Variants in PCDH11X observed in about 807,000 individuals in gnomAD.
The protein encoded by PCDH11X is protocadherin 11 X-linked, also known as protocadherin-11 X-linked.
Under a neutral mutation model 53.3 loss-of-function variants are expected in PCDH11X, and 18 were observed. The ratio of observed to expected loss-of-function variants is 0.34; its 90% confidence interval spans 0.23 to 0.50. The LOEUF (loss-of-function observed/expected upper bound fraction) is 0.50, where lower values mean the gene tolerates loss of function less well. Among genes scored for constraint, PCDH11X ranks in the 20% least tolerant of loss-of-function variants. PCDH11X has a pLI of 0.98. For missense variants in PCDH11X, 570 were observed against 1,032.4 expected (o/e 0.55, Z 6.14); for synonymous variants, 279 against 393.3 (o/e 0.71, Z 3.44).
intron 6 of PCDH11X, among the ~76,000 whole-genome samples, chrX:92,004,931 G>A (rs1455045864): frequency 6.4e-5 from 7 of 108,969 alleles, no homozygotes; most frequent in Non-Finnish European, 9.5e-5. Flanking sequence ...ACCCGCCACC[G>A]CGCCCGGCTA....
chrX:92,148,476 G>A (rs937600872), intron 6 of PCDH11X, among the ~76,000 whole-genome samples: 5 of 106,591 alleles, frequency 4.7e-5, no homozygotes, highest in African/African-American at 6.8e-5. Context: ...GATCCACTGC[G>A]TCGGTCTCCC....
chrX:92,161,838 C>T lies in PCDH11X; in HGVS notation c.3034-39537C>T, dbSNP rs1055531427. Among the ~76,000 whole-genome samples, 22 of 72,903 alleles carry T rather than the reference C, an allele frequency of 3.0e-4. No individual in the cohort carries two copies. In the Admixed American group the frequency reaches 3.1e-3, roughly 10 times the overall value. The allele number at this position is 72,903 out of a possible 115,157, so 63.3% of individuals were successfully genotyped here. Reference sequence around the variant, plus strand: ...AGACTTTCCAGTACATTTTGCATTTCTCTGAATGTGCCCTTTATTTCCTAA... The same window carrying T: ...AGACTTTCCAGTACATTTTGCATTTTTCTGAATGTGCCCTTTATTTCCTAA... On this transcript the variant is annotated intron_variant, in intron 6 of 10. Coordinates refer to ENST00000682573, the MANE Select transcript of PCDH11X (RefSeq NM_032968.5).
At chrX:92,077,968 C>T (rs906296497) in intron 6 of PCDH11X, among the ~76,000 whole-genome samples, 7 of 109,605 alleles carry the variant, frequency 6.4e-5, no homozygotes, top group African/African-American at 2.3e-4. Flanking sequence ...TTGAGTGTCT[C>T]GGTAGGGAAA....
intron 10 of PCDH11X, among the ~76,000 whole-genome samples, chrX:92,599,008 A>C: frequency 9.0e-6 from 1 of 110,909 alleles, no homozygotes; most frequent in East Asian, 2.9e-4. Flanking sequence ...TCATGGAGAT[A>C]GAGTGTAGGA....
chrX:91,964,277 T>C (rs186778334), intron 6 of PCDH11X, among the ~76,000 whole-genome samples: 1 of 109,303 alleles, frequency 9.1e-6, no homozygotes, highest in Non-Finnish European at 1.9e-5. Context: ...AAAATGCCAA[T>C]GTTACTTTTC....
At chrX:91,965,555 A>G (rs1442752926) in intron 6 of PCDH11X, among the ~76,000 whole-genome samples, 2 of 106,895 alleles carry the variant, frequency 1.9e-5, no homozygotes, top group African/African-American at 7.0e-5. Flanking sequence ...GTTAAACTTA[A>G]TTTATAGAGG....
chrX:92,271,586 A>C (rs1227936318), intron 8 of PCDH11X, among the ~76,000 whole-genome samples: 1 of 111,783 alleles, frequency 8.9e-6, no homozygotes, highest in Non-Finnish European at 1.9e-5. Context: ...TAAGTTATAA[A>C]GTCATTTACT....
At chrX:91,970,693 A>G (rs1454994447) in intron 6 of PCDH11X, among the ~76,000 whole-genome samples, 2 of 111,951 alleles carry the variant, frequency 1.8e-5, no homozygotes, top group South Asian at 7.5e-4. Context: ...AGCCGCTCCT[A>G]GGCACTGAAT....
chrX:91,986,209 A>G (rs112833935), intron 6 of PCDH11X, among the ~76,000 whole-genome samples: 1,972 of 109,285 alleles, frequency 0.018, 35 homozygotes, highest in African/African-American at 0.061. Flanking sequence ...TCAACTGCCA[A>G]TTTTTGGGGG....
At chrX:92,391,396 A>T (rs2071125777) in intron 9 of PCDH11X, among the ~76,000 whole-genome samples, 1 of 108,294 alleles carries the variant, frequency 9.2e-6, no homozygotes, top group Non-Finnish European at 1.9e-5. Flanking sequence ...ACTTTTGAGG[A>T]TTTTACATAT....
At chrX:92,111,253 C>CAAAAAAAAAAAAAAAAAA in intron 6 of PCDH11X, among the ~76,000 whole-genome samples, 1 of 52,399 alleles carries the variant, frequency 1.9e-5, no homozygotes, top group African/African-American at 9.3e-5. Context: ...AAAAAAAAAT[C>CAAAAAAAAAAAAAAAAAA]AGCGTCAACT....
At chrX:92,548,711 A>G (rs2148747420) in intron 10 of PCDH11X, among the ~76,000 whole-genome samples, 1 of 110,297 alleles carries the variant, frequency 9.1e-6, no homozygotes, top group East Asian at 2.9e-4. Context: ...TGACAGAGCC[A>G]ACACCAAATG....
intron 6 of PCDH11X, among the ~76,000 whole-genome samples, chrX:92,185,012 T>C (rs1179464493): frequency 4.5e-5 from 5 of 111,818 alleles, no homozygotes; most frequent in African/African-American, 1.6e-4. Context: ...TTCAGAATAA[T>C]ATCACCACCT....
intron 8 of PCDH11X, among the ~76,000 whole-genome samples, chrX:92,305,747 T>C (rs1048527187): frequency 5.4e-5 from 6 of 111,205 alleles, no homozygotes; most frequent in Middle Eastern, 4.2e-3. Context: ...CATATGCATA[T>C]GTGTTACGAA....
chrX:91,818,954 T>C (rs1018150143), intron 4 of PCDH11X, among the ~76,000 whole-genome samples: 1 of 112,055 alleles, frequency 8.9e-6, no homozygotes, highest in African/African-American at 3.2e-5. Flanking sequence ...TGAATATTTC[T>C]CAATTACAAG....
intron 8 of PCDH11X, among the ~76,000 whole-genome samples, chrX:92,294,601 A>G (rs1243530485): frequency 8.9e-6 from 1 of 111,875 alleles, no homozygotes; most frequent in African/African-American, 3.2e-5. Flanking sequence ...ACAGGAATGG[A>G]CATTTCCATT....
intron 8 of PCDH11X, among the ~76,000 whole-genome samples, chrX:92,297,489 C>T (rs2068632299): frequency 9.0e-6 from 1 of 111,521 alleles, no homozygotes; most frequent in South Asian, 3.8e-4. Context: ...GCTTTCTAAT[C>T]CATTGCAGTG....
chrX:91,982,589 C>T, intron 6 of PCDH11X: 1 of 540,057 alleles, frequency 1.9e-6, no homozygotes, highest in South Asian at 2.8e-5. Flanking sequence ...AAAAGATACA[C>T]TAAATTCTGA....
At chrX:91,942,737 T>G (rs907647636) in intron 6 of PCDH11X, among the ~76,000 whole-genome samples, 1 of 110,252 alleles carries the variant, frequency 9.1e-6, no homozygotes, top group African/African-American at 3.3e-5. Flanking sequence ...ATAAAGAAAC[T>G]AAACAAAACT....
Sources: gnomAD v4.1 joint callset for allele counts (sites outside exome capture counted in the v4.1 genomes callset) on GRCh38, gnomAD v4.1.1 for gene constraint, MANE v1.5 for transcripts, NCBI Gene and HGNC (gene_info 2026-07-23, HGNC 2026-07-21) for gene names.